Variants in ZNF143 observed in about 807,000 individuals in gnomAD.
ZNF143 encodes the protein SPH-binding factor.
In ZNF143, 49 loss-of-function variants were observed where a neutral mutation model predicts 74.1. The ratio of observed to expected loss-of-function variants is 0.66; its 90% CI spans 0.53 to 0.84. The LOEUF (loss-of-function observed/expected upper bound fraction) is 0.84. Among genes scored for constraint, ZNF143 ranks in the 40% least tolerant of loss-of-function variants. The pLI, the probability that ZNF143 is intolerant of heterozygous loss-of-function variation, is 0.00. For synonymous variants in ZNF143, 304 were observed against 282.8 expected (o/e 1.07, Z -0.75); for missense variants, 637 against 793.4 (o/e 0.80, Z 2.37).
chr11:9,479,459 T>A lies in ZNF143; in HGVS notation c.571-13T>A. 1 of 1,605,112 alleles carries A rather than the reference T, an allele frequency of 6.2e-7. No individual in the cohort carries two copies. The highest frequency in any genetic ancestry group is 8.5e-7 in the Non-Finnish European group (1 of 1,175,604). ...AATGTAAAACATTTTAAAGCTTTAT[T>A]TTATTCCTATAGGTGTCCATTGATG... On this transcript the variant is annotated splice_polypyrimidine_tract_variant and intron_variant, in intron 6 of 15. Transcript: ENST00000396602.
chr11:9,497,825 A>C, intron 10 of ZNF143, 25 bp downstream of exon 10: 1 of 1,542,040 alleles, frequency 6.5e-7, no homozygotes, highest in Non-Finnish European at 8.7e-7. Context: ...AGAGTGTCAA[A>C]ATCTTTTTTT....
chr11:9,510,202 G>T (rs1298283354), intron 12 of ZNF143, among the ~76,000 whole-genome samples: 1 of 150,158 alleles, frequency 6.7e-6, no homozygotes, highest in Non-Finnish European at 1.5e-5. Context: ...TCGGCTCACT[G>T]CAAGCTTCGC....
At chr11:9,512,637 T>C (rs1300334473) in intron 13 of ZNF143, 41 bp downstream of exon 13, 1 of 1,607,652 alleles carries the variant, frequency 6.2e-7, no homozygotes, top group Non-Finnish European at 8.5e-7. Context: ...AATCTTTCTG[T>C]GAACCTGGGC....
chr11:9,486,951 AGCCACT>A (rs1847580170), intron 7 of ZNF143, among the ~76,000 whole-genome samples: 1 of 145,140 alleles, frequency 6.9e-6, no homozygotes, highest in Non-Finnish European at 1.5e-5. Flanking sequence ...TACAGGCGTG[AGCCACT>A]GCACCTGGCC....
At chr11:9,480,179 T>G (rs118010475) in intron 7 of ZNF143, among the ~76,000 whole-genome samples, 1,580 of 152,360 alleles carry the variant, frequency 0.01, 13 homozygotes, top group Non-Finnish European at 0.016. Flanking sequence ...CTAAAAGTTT[T>G]GTAGTAAGTA....
At chr11:9,463,870 G>A (rs1347966188) in intron 1 of ZNF143, 1 of 152,110 alleles carries the variant, frequency 6.6e-6, no homozygotes, top group Non-Finnish European at 1.5e-5. Flanking sequence ...ATTTCTGGAA[G>A]GTAAGCACTG....
At chr11:9,524,594 CAG>C (rs1344768465) in intron 14 of ZNF143, among the ~76,000 whole-genome samples, 1 of 152,068 alleles carries the variant, frequency 6.6e-6, no homozygotes, top group African/African-American at 2.4e-5. Context: ...TATCATCTAA[CAG>C]AAATAGTTAA....
chr11:9,493,683 C>T (rs1391950212), intron 7 of ZNF143, among the ~76,000 whole-genome samples: 2 of 152,132 alleles, frequency 1.3e-5, no homozygotes, highest in Non-Finnish European at 2.9e-5. Context: ...GGTCATTACC[C>T]AGAATTATAT....
chr11:9,521,635 A>T (rs1398766314), intron 14 of ZNF143, among the ~76,000 whole-genome samples: 2 of 151,312 alleles, frequency 1.3e-5, no homozygotes. Flanking sequence ...GTGGATCTAT[A>T]CTATTCAAGT....
intron 7 of ZNF143, among the ~76,000 whole-genome samples, chr11:9,482,212 T>C (rs12289062): frequency 0.055 from 7,700 of 140,952 alleles, 291 homozygotes; most frequent in South Asian, 0.079. Context: ...CCTCATGATC[T>C]GCCTGCCTTG....
intron 11 of ZNF143, among the ~76,000 whole-genome samples, chr11:9,508,348 A>T (rs529847797): frequency 6.6e-6 from 1 of 152,340 alleles, no homozygotes; most frequent in Non-Finnish European, 1.5e-5. Flanking sequence ...TTAGAGTTAA[A>T]CTGGGCAACA....
intron 5 of ZNF143, among the ~76,000 whole-genome samples, chr11:9,476,584 C>G (rs1856905083): frequency 6.6e-6 from 1 of 151,590 alleles, no homozygotes; most frequent in South Asian, 2.1e-4. Context: ...GTTGGTCAGG[C>G]TGGTCTCAAA....
At chr11:9,499,808 C>G (rs964819949) in intron 10 of ZNF143, among the ~76,000 whole-genome samples, 1 of 152,084 alleles carries the variant, frequency 6.6e-6, no homozygotes, top group Non-Finnish European at 1.5e-5. Context: ...AGTTGTTTGC[C>G]TAATTTGAGC....
intron 13 of ZNF143, among the ~76,000 whole-genome samples, chr11:9,513,103 A>G (rs779212917): frequency 6.6e-6 from 1 of 152,182 alleles, no homozygotes; most frequent in South Asian, 2.1e-4. Flanking sequence ...CTGTTAGCCA[A>G]ACTTGTTATT....
chr11:9,479,534 G>GA lies in ZNF143; in HGVS notation c.640dup (p.Met214AsnfsTer15). On this transcript the variant is annotated frameshift_variant, in exon 7 of 16. Transcript: ENST00000396602. LOFTEE classifies it high-confidence loss of function. ...GAATGATTGGAGAAAATGAGCAAGA[G>GA]AAAAAAATGCAGGTATGTAAAGCTA... The GA allele has an allele frequency of 6.2e-7, 1 of 1,612,326 alleles. No homozygotes were observed. Among genetic ancestry groups the GA allele is most frequent in the Non-Finnish European group, 8.5e-7 (1 of 1,179,454 alleles).
Position 9,479,504 on chromosome 11 carries a change from T to G in ZNF143, c.603T>G (p.Gly201=). ...TTGATGGAAGTGAAAGTGTAGCAGG[T>G]ACTGGAATGATTGGAGAAAATGAGC... ...VSIDGSESVA[G]TGMIGENEQE... Residue 201 remains glycine (G), a synonymous_variant, in exon 7 of 16, where the codon GGT becomes GGG. Transcript: ENST00000396602. The G allele has an allele frequency of 6.2e-7, 1 of 1,613,452 alleles. No homozygotes were observed. The highest frequency in any genetic ancestry group is 8.5e-7 in the Non-Finnish European group (1 of 1,179,826).
intron 12 of ZNF143, among the ~76,000 whole-genome samples, chr11:9,510,939 T>C (rs1160386344): frequency 1.3e-5 from 2 of 152,082 alleles, no homozygotes; most frequent in Admixed American, 1.3e-4. Context: ...TAATATGCCA[T>C]ACATTGTCTT....
chr11:9,512,527 A>G lies in ZNF143; in HGVS notation c.1455A>G (p.Gln485=). Reference sequence around the variant, plus strand: ...AAGGGGACGACGTTGTTTCTACACAAGTAGCCACAGTAACCCAATCTGGAC... The same window carrying G: ...AAGGGGACGACGTTGTTTCTACACAGGTAGCCACAGTAACCCAATCTGGAC... ...GVEGDDVVST[Q]VATVTQSGLS... is the part of the protein sequence containing the mutation. The change falls in exon 13 of 16, where the codon CAA becomes CAG. Residue 485 remains glutamine (Q), a synonymous_variant. Transcript: ENST00000396602. 2.5e-6 allele frequency: 4 copies of G among 1,614,212 alleles called. No homozygotes were observed. Among genetic ancestry groups the G allele is most frequent in the African/African-American group, 1.3e-5 (1 of 75,068 alleles).
chr11:9,486,396 A>AATATATATTAT (rs1554964417), intron 7 of ZNF143, among the ~76,000 whole-genome samples: 14 of 11,908 alleles, frequency 1.2e-3, no homozygotes, highest in Non-Finnish European at 2.5e-3. Context: ...TAATATATAT[A>AATATATATTAT]ATATATTATA....
Sources: allele counts gnomAD v4.1 joint callset (sites outside exome capture counted in the v4.1 genomes callset), GRCh38; gene constraint gnomAD v4.1.1; transcripts MANE v1.5; gene names NCBI Gene and HGNC (gene_info 2026-07-23, HGNC 2026-07-21).